The following RAI14 variants were observed in gnomAD, a reference collection of about 807,000 sequenced individuals.
RAI14 encodes the protein retinoic acid induced 14.
In RAI14, 45 loss-of-function variants were observed where a neutral mutation model predicts 115.4. The ratio of observed to expected loss-of-function variants is 0.39; its 90% CI spans 0.31 to 0.50. The LOEUF (loss-of-function observed/expected upper bound fraction) is 0.50. Ranked by LOEUF, RAI14 falls within the 20% of genes least tolerant of loss-of-function variation. RAI14 has a pLI of 0.85. For synonymous variants in RAI14, 371 were observed against 415.4 expected, an observed-to-expected ratio of 0.89 and a Z score of 1.30; for missense variants, 939 against 1,131.2, an observed-to-expected ratio of 0.83 and a Z score of 2.44.
rs557686551 is a variant in RAI14 at position 34,672,454 on chromosome 5, T to C, written c.-48-14418T>C. Among the ~76,000 whole-genome samples, 110 of 152,320 alleles carry C rather than the reference T, an allele frequency of 7.2e-4. 1 individual carries two copies. The highest frequency in any genetic ancestry group is 2.5e-3 in the African/African-American group (106 of 41,572). On this transcript the variant is annotated intron_variant, in intron 1 of 17. Transcript: ENST00000265109. ...CATTCCCCATCCTTCATGTTAGTGC[T>C]GTTTGCTTTTTATGCCTGCACACAG...
At chr5:34,817,230 T>C (rs1271140572) in intron 12 of RAI14, among the ~76,000 whole-genome samples, 1 of 145,968 alleles carries the variant, frequency 6.9e-6, no homozygotes, top group Admixed American at 7.1e-5. Context: ...TGAACCAACA[T>C]TGTGCCACTG....
chr5:34,678,093 TG>T (rs1375829823), intron 1 of RAI14, among the ~76,000 whole-genome samples: 6 of 131,938 alleles, frequency 4.5e-5, no homozygotes, highest in African/African-American at 1.5e-4. Context: ...TAAAAAATTT[TG>T]TTTTGTTTTG....
chr5:34,829,214 GT>G (rs1284250020), intron 16 of RAI14, among the ~76,000 whole-genome samples: 12 of 151,798 alleles, frequency 7.9e-5, no homozygotes, highest in African/African-American at 2.9e-4. Flanking sequence ...TTGAGACAGA[GT>G]TTTGCTCTGT....
chr5:34,677,888 A>C (rs1320749099), intron 1 of RAI14, among the ~76,000 whole-genome samples: 1 of 152,224 alleles, frequency 6.6e-6, no homozygotes, highest in Non-Finnish European at 1.5e-5. Flanking sequence ...AACTGCAATT[A>C]CTTTTGCACC....
At chr5:34,795,479 C>T (rs752967514) in intron 3 of RAI14, among the ~76,000 whole-genome samples, 2 of 152,174 alleles carry the variant, frequency 1.3e-5, no homozygotes, top group South Asian at 2.1e-4. Context: ...TGTCCAAGAA[C>T]CTTGGCCACT....
intron 1 of RAI14, among the ~76,000 whole-genome samples, chr5:34,673,432 C>T (rs1743755521): frequency 6.6e-6 from 1 of 152,210 alleles, no homozygotes; most frequent in Non-Finnish European, 1.5e-5. Flanking sequence ...TTATATATTT[C>T]ACTTCTGTAG....
intron 3 of RAI14, among the ~76,000 whole-genome samples, chr5:34,787,200 C>G (rs1358966888): frequency 1.3e-5 from 2 of 152,148 alleles, no homozygotes; most frequent in African/African-American, 2.4e-5. Flanking sequence ...CAGTTTATGG[C>G]CAGATTTGGG....
At chr5:34,758,702 C>A (rs778842226) in intron 3 of RAI14, among the ~76,000 whole-genome samples, 8 of 152,194 alleles carry the variant, frequency 5.3e-5, no homozygotes, top group Non-Finnish European at 1.2e-4. Context: ...TGCCACCGTG[C>A]CTGGCTGTTG....
In RAI14 at chr5:34,823,012, C is replaced by A. The variant is rs754151938; in HGVS notation, c.1170C>A (p.Thr390=). The A allele has an allele frequency of 6.2e-7, 1 of 1,614,034 alleles. No homozygotes were observed. The highest frequency in any genetic ancestry group is 8.5e-7 in the Non-Finnish European group (1 of 1,180,018). The change falls in exon 15 of 18, where the codon ACC becomes ACA. Residue 390 remains threonine, a synonymous_variant. Coordinates refer to ENST00000265109, the MANE Select transcript of RAI14 (RefSeq NM_015577.3). The surrounding 1 kb of genome is among the most constrained non-coding windows in gnomAD (Gnocchi z 4.5). The stretch of plus-strand genomic sequence containing the variant: ...TAAGCTTTGACTCATACCATTCCAC[C>A]CAAACTGACTTGGGCCCATCCCTGG... ...ADLSFDSYHS[T]QTDLGPSLGK...
chr5:34,781,038 T>C (rs547819140), intron 3 of RAI14, among the ~76,000 whole-genome samples: 5 of 151,736 alleles, frequency 3.3e-5, no homozygotes, highest in South Asian at 2.1e-4. Context: ...TACTATGCAG[T>C]CATAAAAAAG....
Position 34,823,978 on chromosome 5 carries a change from G to C in RAI14, c.2136G>C (p.Glu712Asp). ...MKSQYSKVLN[E>D]LTQLKQLVDA... ...CTCAGTATTCAAAAGTGTTGAATGA[G>C]TTGACCCAGCTCAAACAACTGGTGG... is the stretch of plus-strand genomic sequence containing the variant. The change falls in exon 15 of 18, where the codon GAG (glutamate) becomes GAC (aspartate). Residue 712 changes from glutamate to aspartate, a missense_variant. By Grantham distance (45) the Glu-to-Asp change is conservative. Coordinates refer to ENST00000265109, the MANE Select transcript of RAI14 (RefSeq NM_015577.3). This position sits in a 1 kb window ranked among gnomAD's most constrained non-coding sequence, Gnocchi z 4.5. The C allele has an allele frequency of 6.2e-7, 1 of 1,614,086 alleles. No homozygotes were observed. Among genetic ancestry groups the C allele is most frequent in the Non-Finnish European group, 8.5e-7 (1 of 1,179,928 alleles).
At chr5:34,689,881 A>AACAAAAC (rs538084373) in intron 2 of RAI14, among the ~76,000 whole-genome samples, 52 of 152,174 alleles carry the variant, frequency 3.4e-4, no homozygotes, top group Non-Finnish European at 6.3e-4. Flanking sequence ...CTCAAAACAA[A>AACAAAAC]ACAAAACAAA....
intron 1 of RAI14, among the ~76,000 whole-genome samples, chr5:34,666,036 C>G (rs980515457): frequency 1.3e-5 from 2 of 152,196 alleles, no homozygotes; most frequent in African/African-American, 2.4e-5. Context: ...GACTATTTCA[C>G]AGAGACCTGA....
chr5:34,690,806 C>T (rs772582493), intron 2 of RAI14, among the ~76,000 whole-genome samples: 59 of 152,020 alleles, frequency 3.9e-4, no homozygotes, highest in Non-Finnish European at 7.8e-4. Context: ...GCATTTATAA[C>T]TTTATTTTGG....
At chr5:34,737,425 C>A (rs1021865181) in intron 2 of RAI14, among the ~76,000 whole-genome samples, 3 of 152,010 alleles carry the variant, frequency 2.0e-5, no homozygotes, top group Admixed American at 2.0e-4. Context: ...GGAATTACTA[C>A]CTGTTACTCA....
chr5:34,768,373 C>A (rs193082680), intron 3 of RAI14, among the ~76,000 whole-genome samples: 1 of 152,134 alleles, frequency 6.6e-6, no homozygotes, highest in Non-Finnish European at 1.5e-5. Flanking sequence ...CAGATAAATA[C>A]CTAGGTAACA....
intron 2 of RAI14, among the ~76,000 whole-genome samples, chr5:34,717,516 G>C (rs1006586158): frequency 1.3e-5 from 2 of 152,190 alleles, no homozygotes; most frequent in Non-Finnish European, 2.9e-5. Flanking sequence ...AATCCTTGTG[G>C]AATGCAGTGA....
At chr5:34,717,982 A>G (rs1486373732) in intron 2 of RAI14, among the ~76,000 whole-genome samples, 3 of 147,212 alleles carry the variant, frequency 2.0e-5, no homozygotes, top group African/African-American at 7.7e-5. Flanking sequence ...ACTCAGTAGG[A>G]CATCCTAAAG....
intron 3 of RAI14, among the ~76,000 whole-genome samples, chr5:34,763,138 C>T (rs1748902509): frequency 6.6e-6 from 1 of 152,186 alleles, no homozygotes; most frequent in South Asian, 2.1e-4. Flanking sequence ...ATAAGGGCTT[C>T]TCTGGCTGGT....
Sources: gnomAD v4.1 joint callset for allele counts (sites outside exome capture counted in the v4.1 genomes callset) on GRCh38, gnomAD v4.1.1 for gene constraint, Gnocchi (gnomAD v3.1) non-coding constraint, MANE v1.5 for transcripts, NCBI Gene and HGNC (gene_info 2026-07-23, HGNC 2026-07-21) for gene names.